The following ADAMTSL1 variants were observed in gnomAD, a reference collection of about 807,000 sequenced individuals.
ADAMTSL1 encodes ADAMTS-like protein 1.
ADAMTSL1 carries 126 observed loss-of-function variants against 201.8 expected under a neutral mutation model. The ratio of observed to expected loss-of-function variants is 0.62; its 90% confidence interval spans 0.54 to 0.72. ADAMTSL1 has a LOEUF of 0.72. Among genes scored for constraint, ADAMTSL1 ranks in the 30% least tolerant of loss-of-function variants. The pLI is 0.00. For missense variants in ADAMTSL1, 2,679 were observed against 2,277.8 expected, an observed-to-expected ratio of 1.18 and a Z score of -3.59; for synonymous variants, 1,121 against 903.4, an observed-to-expected ratio of 1.24 and a Z score of -4.32.
At position 18,904,664 on chromosome 9, in the gene ADAMTSL1, AAAAAAAAAGGTC is replaced by A. The variant is rs1830195557; in HGVS notation, c.4852-1117_4852-1106del. Reference sequence around the variant, plus strand: ...AAAAAAAAAAAAAAAAAAAAAAAAAAAAAAAAAAGGTCCGTTTATGTGTATTTTACGATTTAA... The same window carrying A: ...AAAAAAAAAAAAAAAAAAAAAAAAAACGTTTATGTGTATTTTACGATTTAA... On this transcript the variant is annotated intron_variant, in intron 26 of 28. Coordinates refer to ENST00000380548, the MANE Select transcript of ADAMTSL1 (RefSeq NM_001040272.6). Among the ~76,000 whole-genome samples the A allele has an allele frequency of 3.5e-5, 4 of 113,688 alleles. 1 individual carries two copies. The highest frequency in any genetic ancestry group is 5.9e-4 in the South Asian group (2 of 3,396). The allele number at this position is 113,688 out of a possible 152,430, so 74.6% of individuals were successfully genotyped here. A position where few individuals can be genotyped will look rare whatever the true frequency, so the allele number is the denominator to read the frequency against.
intron 2 of ADAMTSL1, among the ~76,000 whole-genome samples, chr9:18,180,318 G>A (rs1219154315): frequency 2.0e-5 from 3 of 152,086 alleles, no homozygotes; most frequent in African/African-American, 7.2e-5. Flanking sequence ...CGGATCACGA[G>A]GTCAGGAGAT....
At chr9:18,298,931 G>C (rs931634960) in intron 2 of ADAMTSL1, among the ~76,000 whole-genome samples, 4 of 151,192 alleles carry the variant, frequency 2.6e-5, no homozygotes, top group Non-Finnish European at 4.4e-5. Flanking sequence ...AGAATGGCGT[G>C]AACCCGGGAG....
At chr9:18,613,827 C>T (rs1295843209) in intron 4 of ADAMTSL1, among the ~76,000 whole-genome samples, 3 of 152,012 alleles carry the variant, frequency 2.0e-5, no homozygotes, top group South Asian at 4.2e-4. Flanking sequence ...ATATAGCCCA[C>T]GACACGCATA....
rs1831998174 is a variant in ADAMTSL1 at position 18,263,419 on chromosome 9, C to T, written c.207+99438C>T. On this transcript the variant is annotated intron_variant, in intron 2 of 29. Transcript: ENST00000680146. ...CTAATTCCCTGGCTCCTGTTGCTTC[C>T]TCCGTGTGCCTCTTCAATGTTGGCG... Among the ~76,000 whole-genome samples, 4 of 152,206 alleles carry T rather than the reference C, an allele frequency of 2.6e-5. No homozygotes were observed. The South Asian group carries it at 8.3e-4, about 32-fold the overall frequency.
intron 23 of ADAMTSL1, among the ~76,000 whole-genome samples, chr9:18,838,767 G>A (rs902300825): frequency 3.8e-4 from 58 of 151,898 alleles, no homozygotes; most frequent in African/African-American, 1.4e-3. Context: ...GCTGAGGTGG[G>A]AGGATCACAT....
At chr9:18,350,118 A>T (rs1835902010) in intron 2 of ADAMTSL1, among the ~76,000 whole-genome samples, 1 of 151,842 alleles carries the variant, frequency 6.6e-6, no homozygotes, top group Admixed American at 6.6e-5. Context: ...TAATGTGGCA[A>T]ATGGCCCAGC....
At chr9:18,887,116 C>T (rs79101613) in intron 23 of ADAMTSL1, among the ~76,000 whole-genome samples, 3 of 152,200 alleles carry the variant, frequency 2.0e-5, no homozygotes, top group Non-Finnish European at 2.9e-5. Flanking sequence ...ACAGCAAATT[C>T]AGCAAGTACC....
At chr9:17,957,443 A>G (rs1827974433) in intron 1 of ADAMTSL1, among the ~76,000 whole-genome samples, 3 of 152,164 alleles carry the variant, frequency 2.0e-5, no homozygotes, top group African/African-American at 7.2e-5. Context: ...TCATTGCCTT[A>G]TAGCTTTTTG....
At chr9:18,889,946 C>T (rs1045705069) in intron 25 of ADAMTSL1, among the ~76,000 whole-genome samples, 198 bp downstream of exon 25, 1 of 152,106 alleles carries the variant, frequency 6.6e-6, no homozygotes, top group African/African-American at 2.4e-5. Flanking sequence ...CCTCTCTCAG[C>T]TTTGTTTATT....
chr9:18,162,663 T>C (rs1827445608), intron 1 of ADAMTSL1, among the ~76,000 whole-genome samples: 1 of 152,008 alleles, frequency 6.6e-6, no homozygotes. Context: ...AAATGACTAA[T>C]TTATTATGCA....
At chr9:18,673,875 C>G (rs1829973549) in intron 9 of ADAMTSL1, among the ~76,000 whole-genome samples, 1 of 152,086 alleles carries the variant, frequency 6.6e-6, no homozygotes, top group East Asian at 1.9e-4. Flanking sequence ...TATGTACAAA[C>G]TTACTAGAAG....
intron 2 of ADAMTSL1, among the ~76,000 whole-genome samples, chr9:18,271,329 C>A (rs1180558275): frequency 2.0e-5 from 3 of 152,046 alleles, no homozygotes. Flanking sequence ...TATCCCTCCC[C>A]ACTCCCCCCA....
intron 1 of ADAMTSL1, among the ~76,000 whole-genome samples, chr9:17,975,079 T>G (rs959008585): frequency 6.6e-6 from 1 of 152,216 alleles, no homozygotes; most frequent in South Asian, 2.1e-4. Context: ...AAGTGGTATT[T>G]TATTATGTCT....
intron 3 of ADAMTSL1, among the ~76,000 whole-genome samples, chr9:18,537,808 A>G (rs950073152): frequency 7.9e-5 from 12 of 151,386 alleles, no homozygotes; most frequent in African/African-American, 2.9e-4. Context: ...CAGGAGTTTG[A>G]AGTTGCAGTG....
At chr9:17,990,640 C>A (rs961992645) in intron 1 of ADAMTSL1, among the ~76,000 whole-genome samples, 1 of 151,942 alleles carries the variant, frequency 6.6e-6, no homozygotes, top group Non-Finnish European at 1.5e-5. Flanking sequence ...ATTATTAAGA[C>A]CTGTTTTTAA....
chr9:18,411,915 T>G (rs527476271), intron 2 of ADAMTSL1, among the ~76,000 whole-genome samples: 1 of 152,368 alleles, frequency 6.6e-6, no homozygotes, highest in African/African-American at 2.4e-5. Flanking sequence ...AGGTACTTTT[T>G]ATGTAATTTT....
At chr9:18,139,396 T>G (rs1280908609) in intron 1 of ADAMTSL1, among the ~76,000 whole-genome samples, 1 of 152,122 alleles carries the variant, frequency 6.6e-6, no homozygotes, top group Non-Finnish European at 1.5e-5. Flanking sequence ...CAAGAGTGTC[T>G]TCATTTGTGA....
intron 1 of ADAMTSL1, among the ~76,000 whole-genome samples, chr9:17,955,803 A>G (rs1827906754): frequency 6.6e-6 from 1 of 152,110 alleles, no homozygotes; most frequent in South Asian, 2.1e-4. Flanking sequence ...CATAGTATGT[A>G]CGTTTAGGAA....
intron 1 of ADAMTSL1, among the ~76,000 whole-genome samples, chr9:18,062,606 C>A (rs1822508836): frequency 6.6e-6 from 1 of 151,984 alleles, no homozygotes; most frequent in South Asian, 2.1e-4. Context: ...AATAAGAAAT[C>A]ATTCTGGACA....
Sources: allele counts gnomAD v4.1 joint callset (sites outside exome capture counted in the v4.1 genomes callset), GRCh38; gene constraint gnomAD v4.1.1; transcripts MANE v1.5; gene names NCBI Gene and HGNC (gene_info 2026-07-23, HGNC 2026-07-21).